The following SLC9A3 variants were observed in gnomAD, a reference collection of about 807,000 sequenced individuals.
SLC9A3 encodes the protein solute carrier family 9 member A3.
A neutral mutation model predicts 86.8 loss-of-function variants in SLC9A3; 37 were observed. The ratio of observed to expected loss-of-function variants is 0.43; its 90% CI spans 0.33 to 0.56. The LOEUF (loss-of-function observed/expected upper bound fraction) is 0.56. Ranked by LOEUF, SLC9A3 falls within the 20% of genes least tolerant of loss-of-function variation. SLC9A3 has a pLI of 0.06. For synonymous variants in SLC9A3, 581 were observed against 528.3 expected (o/e 1.10, Z -1.37); for missense variants, 1,011 against 1,171.9 (o/e 0.86, Z 2.00).
chr5:502,273 G>C (rs988320221), intron 1 of SLC9A3, among the ~76,000 whole-genome samples: 1 of 152,192 alleles, frequency 6.6e-6, no homozygotes, highest in African/African-American at 2.4e-5. Flanking sequence ...GGACCCAGCC[G>C]CTCCGGCCCC....
intron 1 of SLC9A3, among the ~76,000 whole-genome samples, 189 bp from the exon 2 acceptor site, chr5:492,260 AG>A (rs1739796757): frequency 4.8e-5 from 1 of 21,014 alleles, no homozygotes; most frequent in Non-Finnish European, 8.9e-5. Context: ...GGGGACTCAC[AG>A]GGGAGGGGAG....
In SLC9A3 at chr5:473,328, G is replaced by A. The variant is rs1738505838; in HGVS notation, c.*51C>T. The A allele has an allele frequency of 4.6e-5, 65 of 1,403,710 alleles. No individual in the cohort carries two copies. Among genetic ancestry groups the A allele is most frequent in the Non-Finnish European group, 5.7e-5 (61 of 1,074,078 alleles). The allele number at this position is 1,403,710 out of a possible 1,614,324, so 87.0% of individuals were successfully genotyped here. A position where few individuals can be genotyped will look rare whatever the true frequency, so the allele number is the denominator to read the frequency against. On this transcript the variant is annotated 3_prime_UTR_variant, in exon 17 of 17. Coordinates refer to ENST00000264938, the MANE Select transcript of SLC9A3 (RefSeq NM_004174.4). The stretch of plus-strand genomic sequence containing the variant: ...TGGGACAGCGGCGGCGGCGGTGGGC[G>A]GACCGTGGCGCGGGGACGAGCGGCC...
intron 1 of SLC9A3, among the ~76,000 whole-genome samples, chr5:515,067 C>G (rs115745713): frequency 1.6e-4 from 24 of 152,290 alleles, no homozygotes; most frequent in African/African-American, 5.3e-4. Flanking sequence ...GTCACCTGGT[C>G]TTTCCCTAAG....
Position 496,473 on chromosome 5 carries a change from ATCCTTT to A in SLC9A3, c.212-4408_212-4403del, listed in dbSNP as rs1740027141. ...CGGCTTGCTCCCCTGCCGGGCACTG[ATCCTTT>A]CCTATTGACACGAGGTTCTTCGTAA... On this transcript the variant is annotated intron_variant, in intron 1 of 16. Coordinates refer to ENST00000264938, the MANE Select transcript of SLC9A3 (RefSeq NM_004174.4). This position sits in a 1 kb window ranked among gnomAD's most constrained non-coding sequence, Gnocchi z 4.7. Among the ~76,000 whole-genome samples, 1 of 152,172 alleles carries A rather than the reference ATCCTTT, an allele frequency of 6.6e-6. No homozygotes were observed. Among genetic ancestry groups the A allele is most frequent in the Non-Finnish European group, 1.5e-5 (1 of 68,030 alleles).
At position 501,293 on chromosome 5, in the gene SLC9A3, C is replaced by T. The variant is rs185006999; in HGVS notation, c.212-9222G>A. The stretch of plus-strand genomic sequence containing the variant: ...GGGGCTTGGTCAGGCCCAGGGCCTC[C>T]GCCACCTCCAAGGACCTTTCAAGGT... On this transcript the variant is annotated intron_variant, in intron 1 of 16. Transcript: ENST00000264938. 1.4e-4 allele frequency among the ~76,000 whole-genome samples: 22 copies of T among 152,274 alleles called. No individual in the cohort carries two copies. The East Asian group carries it at 3.3e-3, about 23-fold the overall frequency.
At position 473,144 on chromosome 5, in the gene SLC9A3, C is replaced by CGGCCCCGCCCCCGTCGCA; in HGVS notation, c.*234_*235insTGCGACGGGGGCGGGGCC. ...GCGCACTCGGCAGCCCTCGGCGCTCCGGCCCCGCCCCCGGCGCAGGCCCCG... is the reference window on the plus strand; with the variant it reads ...GCGCACTCGGCAGCCCTCGGCGCTCCGGCCCCGCCCCCGTCGCAGGCCCCGCCCCCGGCGCAGGCCCCG... On this transcript the variant is annotated 3_prime_UTR_variant, in exon 17 of 17. Coordinates refer to ENST00000264938, the MANE Select transcript of SLC9A3 (RefSeq NM_004174.4). 1 of 244,168 alleles carries CGGCCCCGCCCCCGTCGCA rather than the reference C, an allele frequency of 4.1e-6. No individual in the cohort carries two copies. 15.1% of individuals were successfully genotyped at this position (244,168 alleles called of 1,614,324 possible).
chr5:505,108 C>T (rs1740484939), intron 1 of SLC9A3, among the ~76,000 whole-genome samples: 1 of 149,156 alleles, frequency 6.7e-6, no homozygotes, highest in African/African-American at 2.5e-5. Flanking sequence ...GGCTGGAGAC[C>T]TGGACAAATG....
intron 1 of SLC9A3, among the ~76,000 whole-genome samples, chr5:512,453 C>T (rs1401220564): frequency 6.6e-6 from 1 of 151,906 alleles, no homozygotes; most frequent in African/African-American, 2.4e-5. Flanking sequence ...AAACTGTGGA[C>T]CTTAATTAAT....
intron 1 of SLC9A3, among the ~76,000 whole-genome samples, chr5:515,306 G>A (rs767061490): frequency 5.9e-5 from 9 of 151,450 alleles, no homozygotes; most frequent in Non-Finnish European, 1.0e-4. Context: ...TGCTCTGCCC[G>A]CCCCTCCCTC....
At chr5:507,163 C>CTTTTTTTTTTTT (rs1740624902) in intron 1 of SLC9A3, among the ~76,000 whole-genome samples, 1 of 34,754 alleles carries the variant, frequency 2.9e-5, no homozygotes, top group South Asian at 5.6e-4. Context: ...CCGGCTGCTG[C>CTTTTTTTTTTTT]TTCTTTTTTT....
intron 1 of SLC9A3, among the ~76,000 whole-genome samples, chr5:494,577 A>T (rs553558398): frequency 6.5e-4 from 99 of 152,228 alleles, no homozygotes; most frequent in African/African-American, 2.4e-3. Flanking sequence ...GATTTTTTTA[A>T]TAATGTCCAG....
chr5:485,824 G>A (rs567669327), intron 3 of SLC9A3, among the ~76,000 whole-genome samples: 3 of 152,330 alleles, frequency 2.0e-5, no homozygotes, highest in East Asian at 1.9e-4. Context: ...TGGGGCAGGC[G>A]TGTAAGTTGG....
chr5:484,449 C>T (rs56396027), intron 5 of SLC9A3, 71 bp downstream of exon 5: 51 of 1,478,468 alleles, frequency 3.4e-5, no homozygotes, highest in South Asian at 3.0e-4. Context: ...CTCGCCCTGC[C>T]GGACCCAGGA....
At chr5:477,044 G>C in intron 11 of SLC9A3, 2 of 510,264 alleles carry the variant, frequency 3.9e-6, no homozygotes, top group South Asian at 5.1e-5. Context: ...GAGCAGTAAG[G>C]GTGGCATGGG....
Position 477,966 on chromosome 5 carries a change from A to AGAGCATGAGGTTGTGCAG in SLC9A3, c.1648-540_1648-523dup, listed in dbSNP as rs1226705403. 3 of 153,618 alleles carry AGAGCATGAGGTTGTGCAG rather than the reference A, an allele frequency of 2.0e-5. No homozygotes were observed. The Admixed American group carries it at 2.0e-4, about 10-fold the overall frequency. 9.5% of individuals were successfully genotyped at this position (153,618 alleles called of 1,614,324 possible). A position where few individuals can be genotyped will look rare whatever the true frequency, so the allele number is the denominator to read the frequency against. ...CCACCCGCCTGATGGCAGGGCCTGG[A>AGAGCATGAGGTTGTGCAG]GAGCATGAGGTTGTGCAGGAGCACA... On this transcript the variant is annotated intron_variant, in intron 10 of 16. Coordinates refer to ENST00000264938, the MANE Select transcript of SLC9A3 (RefSeq NM_004174.4).
chr5:513,683 CA>C (rs1477053256), intron 1 of SLC9A3, among the ~76,000 whole-genome samples: 5 of 152,198 alleles, frequency 3.3e-5, no homozygotes, highest in African/African-American at 9.7e-5. Context: ...ACGTGCTCCT[CA>C]GGGGCCCAGG....
At chr5:488,177 G>A in intron 3 of SLC9A3, 139 bp downstream of exon 3, 2 of 859,486 alleles carry the variant, frequency 2.3e-6, no homozygotes, top group South Asian at 1.6e-5. Context: ...GGAAGGAGGT[G>A]GAGGGACGGG....
At chr5:479,622 CCA>C (rs1309209781) in intron 10 of SLC9A3, 1 of 556,948 alleles carries the variant, frequency 1.8e-6, no homozygotes, top group Admixed American at 3.1e-5. Context: ...CCCACCAGCA[CCA>C]CAGTCACCAG....
At chr5:480,298 G>A (rs1181370668) in intron 9 of SLC9A3, 2 of 261,034 alleles carry the variant, frequency 7.7e-6, no homozygotes, top group Middle Eastern at 1.3e-3. Flanking sequence ...GGGCAGGGGC[G>A]GACAGACACC....
Sources: allele counts gnomAD v4.1 joint callset (sites outside exome capture counted in the v4.1 genomes callset), GRCh38; gene constraint gnomAD v4.1.1; non-coding constraint Gnocchi (gnomAD v3.1); transcripts MANE v1.5; gene names NCBI Gene and HGNC (gene_info 2026-07-23, HGNC 2026-07-21).